The following TP53BP1 variants were observed in gnomAD, a reference collection of about 807,000 sequenced individuals.
The protein encoded by TP53BP1 is tumor protein p53 binding protein 1.
A neutral mutation model predicts 200.8 loss-of-function variants in TP53BP1; 61 were observed. The observed-to-expected ratio is 0.30, with a 90% confidence interval of 0.25 to 0.38. TP53BP1 has a LOEUF of 0.38. Ranked by LOEUF, TP53BP1 falls within the 10% of genes least tolerant of loss-of-function variation. TP53BP1 has a pLI of 1.00. For missense variants in TP53BP1, 2,144 were observed against 2,371.9 expected (o/e 0.90, Z 2.00); for synonymous variants, 822 against 844.3 (o/e 0.97, Z 0.46).
rs1321871782 is a variant in TP53BP1 at position 43,406,024 on chromosome 15, G to A, written c.*1359C>T. On this transcript the variant is annotated 3_prime_UTR_variant, in exon 28 of 28. Transcript: ENST00000382044. Reference sequence around the variant, plus strand: ...CATTGCATTCCAGCCCGGGCAACAAGAGCGAAATTCCGTCTCAAAAAAAAA... The same window carrying A: ...CATTGCATTCCAGCCCGGGCAACAAAAGCGAAATTCCGTCTCAAAAAAAAA... 2.9e-5 allele frequency: 3 copies of A among 103,966 alleles called. No individual in the cohort carries two copies. The highest frequency in any genetic ancestry group is 5.7e-4 in the East Asian group (2 of 3,524). 6.4% of individuals were successfully genotyped at this position (103,966 alleles called of 1,614,324 possible).
chr15:43,454,244 G>C (rs114361256), intron 12 of TP53BP1, among the ~76,000 whole-genome samples: 39 of 152,090 alleles, frequency 2.6e-4, no homozygotes, highest in African/African-American at 9.4e-4. Flanking sequence ...AAAAAATATG[G>C]TCACTCATAC....
At chr15:43,428,817 T>C (rs1441548897) in intron 17 of TP53BP1, among the ~76,000 whole-genome samples, 2 of 152,194 alleles carry the variant, frequency 1.3e-5, no homozygotes, top group Non-Finnish European at 2.9e-5. Context: ...ACAAGAATAA[T>C]GTAGGGCTAA....
chr15:43,415,898 CCA>C (rs1420785942), intron 22 of TP53BP1, 89 bp from the exon 23 acceptor site: 1 of 1,061,222 alleles, frequency 9.4e-7, no homozygotes, highest in Non-Finnish European at 1.4e-6. Context: ...GATTCAGACA[CCA>C]CAGTGTTCCT....
At chr15:43,457,316 T>C in intron 11 of TP53BP1, 98 bp from the exon 12 acceptor site, 1 of 1,128,310 alleles carries the variant, frequency 8.9e-7, no homozygotes, top group East Asian at 2.7e-5. Context: ...AAAATCAAAT[T>C]TCTAAATCAA....
rs751230266 is a variant in TP53BP1 at position 43,415,470 on chromosome 15, C to A, written c.5089+124G>T. 9 of 1,011,342 alleles carry A rather than the reference C, an allele frequency of 8.9e-6. No individual in the cohort carries two copies. The East Asian group carries it at 1.5e-4, about 16-fold the overall frequency. The allele number at this position is 1,011,342 out of a possible 1,614,324, so 62.6% of individuals were successfully genotyped here. Reference sequence around the variant, plus strand: ...CCTGAATATCACCTGTGGGCTTGGGCAGGACCCCGACTTTATAGCAGGACA... The same window carrying A: ...CCTGAATATCACCTGTGGGCTTGGGAAGGACCCCGACTTTATAGCAGGACA... On this transcript the variant is annotated intron_variant, in intron 23 of 27. Transcript: ENST00000382044.
intron 12 of TP53BP1, among the ~76,000 whole-genome samples, chr15:43,452,643 C>G (rs1009889996): frequency 1.3e-5 from 2 of 152,052 alleles, no homozygotes; most frequent in Non-Finnish European, 2.9e-5. Flanking sequence ...TTTTATTTAA[C>G]TTCTCCTCAT....
intron 10 of TP53BP1, 103 bp downstream of exon 10, chr15:43,474,570 T>A (rs578222986): frequency 1.4e-6 from 1 of 720,814 alleles, no homozygotes; most frequent in South Asian, 1.9e-5. Context: ...ATTGTGTAGG[T>A]CACAAGCATT....
At chr15:43,408,186 A>G in intron 26 of TP53BP1, 98 bp from the exon 27 acceptor site, 1 of 1,236,424 alleles carries the variant, frequency 8.1e-7, no homozygotes, top group Non-Finnish European at 1.1e-6. Flanking sequence ...GCTTTCAAAA[A>G]TAAATGCCCC....
rs1043043084 is a variant in TP53BP1 at position 43,432,339 on chromosome 15, T to C, written c.3530A>G (p.Gln1177Arg). Residue 1177 changes from glutamine (Q) to arginine (R), a missense_variant, in exon 17 of 28, where the codon CAG (glutamine) becomes CGG (arginine). This residue lies in a region of TP53BP1 where 1,700 missense variants were observed against 1,710.3 expected (regional missense o/e 0.99). Coordinates refer to ENST00000382044, the MANE Select transcript of TP53BP1 (RefSeq NM_001141980.3). ...RVPETVSAAT[Q>R]TIKNVCEQGT... ...CTGCTCACACACATTCTTTATAGTC[T>C]GGGTTGCTGCTGAAACAGTTTCTGG... is the stretch of plus-strand genomic sequence containing the variant. 6.2e-7 allele frequency: 1 copy of C among 1,614,220 alleles called. No individual in the cohort carries two copies. The highest frequency in any genetic ancestry group is 8.5e-7 in the Non-Finnish European group (1 of 1,180,028).
At chr15:43,420,010 G>A (rs1250012894) in intron 21 of TP53BP1, among the ~76,000 whole-genome samples, 1 of 152,180 alleles carries the variant, frequency 6.6e-6, no homozygotes, top group Non-Finnish European at 1.5e-5. Context: ...AACACCAGAT[G>A]TCAACAATAG....
chr15:43,455,916 G>T lies in TP53BP1; in HGVS notation c.2692C>A (p.Gln898Lys). The T allele has an allele frequency of 1.9e-6, 3 of 1,614,116 alleles. No individual in the cohort carries two copies. The highest frequency in any genetic ancestry group is 2.5e-6 in the Non-Finnish European group (3 of 1,180,034). The change falls in exon 12 of 28, where the codon CAA becomes AAA. Residue 898 changes from glutamine to lysine, a missense_variant. Physicochemically the swap from Gln to Lys is moderately conservative, Grantham distance 53 (BLOSUM62 1). Coordinates refer to ENST00000382044, the MANE Select transcript of TP53BP1 (RefSeq NM_001141980.3). ...CCACTAGAACTTTCACAGAAGCTTT[G>T]TGAGGCATGGGCAGAGGGCTTCCCC... ...KLGKPSAHAS[Q>K]SFCESSSETP... is the part of the protein sequence containing the mutation.
Position 43,475,693 on chromosome 15 carries a change from T to C in TP53BP1, c.957A>G (p.Val319=), listed in dbSNP as rs200329464. The C allele has an allele frequency of 1.9e-6, 3 of 1,613,314 alleles. No individual in the cohort carries two copies. Among genetic ancestry groups the C allele is most frequent in the East Asian group, 2.2e-5 (1 of 44,868 alleles). Residue 319 remains valine, a splice_region_variant and synonymous_variant, in exon 9 of 28, where the codon GTA becomes GTG. Transcript: ENST00000382044. ...AAGGAGTAGAGCAACCATCAGAAGA[T>C]ACTGAAAAAAAGAAATTCCAGTTGC... ...EDLFDQSNKT[V]SSDGCSTPSR... is the part of the protein sequence containing the mutation.
At chr15:43,455,010 G>A (rs1288288080) in intron 12 of TP53BP1, among the ~76,000 whole-genome samples, 2 of 152,154 alleles carry the variant, frequency 1.3e-5, no homozygotes, top group Non-Finnish European at 2.9e-5. Context: ...GATTACAGGC[G>A]TGAGCCACTG....
At chr15:43,485,576 C>CAAAAAAAAAAAAAAAAAAAAA (rs59927509) in intron 4 of TP53BP1, among the ~76,000 whole-genome samples, 1 of 44,926 alleles carries the variant, frequency 2.2e-5, no homozygotes, top group African/African-American at 8.8e-5. Context: ...GACGCCGTCT[C>CAAAAAAAAAAAAAAAAAAAAA]AAAAAAAAAA....
Position 43,492,083 on chromosome 15 carries a change from T to C in TP53BP1, c.205A>G (p.Asn69Asp), listed in dbSNP as rs756019210. ...TCTTCTCCAGCTGTTTGTTCAGGATTGGACACAACATCCTAGAAAATACAC... is the reference window on the plus strand; with the variant it reads ...TCTTCTCCAGCTGTTTGTTCAGGATCGGACACAACATCCTAGAAAATACAC... ...KENPVLDVVSNPEQTAGEERG... is the reference protein window; with the variant it reads ...KENPVLDVVSDPEQTAGEERG... The change falls in exon 3 of 28, where the codon AAT (asparagine) becomes GAT (aspartate). Residue 69 changes from asparagine (N) to aspartate (D), a missense_variant. By Grantham distance (23) the Asn-to-Asp change is conservative. Around this residue, in one of 4 missense-constraint regions of TP53BP1, gnomAD observed 1,700 missense variants for 1,710.3 expected, o/e 0.99. Transcript: ENST00000382044. 1.9e-6 allele frequency: 3 copies of C among 1,613,158 alleles called. No individual in the cohort carries two copies. In the East Asian group the frequency reaches 6.7e-5, roughly 36 times the overall value.
chr15:43,413,826 T>C (rs1294431647), intron 23 of TP53BP1, among the ~76,000 whole-genome samples: 3 of 150,776 alleles, frequency 2.0e-5, no homozygotes, highest in Non-Finnish European at 4.4e-5. Context: ...TATCAAGAAA[T>C]GCCCCTTGTA....
rs576005318 is a variant in TP53BP1 at position 43,491,594 on chromosome 15, G to A, written c.371+75C>T. ...AAAGAGATTAATCCTTTTATCCTTG[G>A]GATGAGGCAACAGGTACAGATAAAA... On this transcript the variant is annotated intron_variant, in intron 4 of 27. Coordinates refer to ENST00000382044, the MANE Select transcript of TP53BP1 (RefSeq NM_001141980.3). 6 of 1,088,288 alleles carry A rather than the reference G, an allele frequency of 5.5e-6. No homozygotes were observed. In the South Asian group the frequency reaches 7.5e-5, roughly 14 times the overall value. 67.4% of individuals were successfully genotyped at this position (1,088,288 alleles called of 1,614,324 possible).
chr15:43,407,302 TACAC>T lies in TP53BP1; in HGVS notation c.*77_*80del. On this transcript the variant is annotated 3_prime_UTR_variant, in exon 28 of 28. Transcript: ENST00000382044. ...ACAAGATCCATGCAAGGAATCCAGT[TACAC>T]ACAAGACACATTTAAAACCTGGTTA... 1 of 1,231,516 alleles carries T rather than the reference TACAC, an allele frequency of 8.1e-7. No individual in the cohort carries two copies. The highest frequency in any genetic ancestry group is 1.2e-6 in the Non-Finnish European group (1 of 857,184). 76.3% of individuals were successfully genotyped at this position (1,231,516 alleles called of 1,614,324 possible).
chr15:43,488,566 C>T (rs2079078201), intron 4 of TP53BP1, among the ~76,000 whole-genome samples: 1 of 152,096 alleles, frequency 6.6e-6, no homozygotes, highest in Non-Finnish European at 1.5e-5. Flanking sequence ...TACACACACA[C>T]ATAAAAAGAA....
Sources: allele counts gnomAD v4.1 joint callset (sites outside exome capture counted in the v4.1 genomes callset), GRCh38; gene constraint gnomAD v4.1.1; regional missense constraint gnomAD v4.1.1; transcripts MANE v1.5; gene names NCBI Gene and HGNC (gene_info 2026-07-23, HGNC 2026-07-21).